The following PAFAH1B1 variants were observed in gnomAD, a reference collection of about 807,000 sequenced individuals.
PAFAH1B1 encodes the protein platelet-activating factor acetylhydrolase IB subunit beta.
PAFAH1B1 carries 2 observed loss-of-function variants against 57.5 expected under a neutral mutation model. The observed-to-expected ratio is 0.03, with a 90% CI of 0.01 to 0.11. The LOEUF (loss-of-function observed/expected upper bound fraction) is 0.11. Ranked by LOEUF, PAFAH1B1 falls within the 10% of genes least tolerant of loss-of-function variation. PAFAH1B1 has a pLI of 1.00. For synonymous variants in PAFAH1B1, 152 were observed against 169.6 expected, an observed-to-expected ratio of 0.90 and a Z score of 0.81; for missense variants, 257 against 512.0, an observed-to-expected ratio of 0.50 and a Z score of 4.81.
chr17:2,677,529 T>C (rs1026421062), intron 9 of PAFAH1B1, among the ~76,000 whole-genome samples: 1 of 133,390 alleles, frequency 7.5e-6, no homozygotes, highest in African/African-American at 2.9e-5. Flanking sequence ...ATGACAGACA[T>C]ATGTGGAAGC....
intron 2 of PAFAH1B1, chr17:2,640,112 A>C (rs1283453288): frequency 6.6e-6 from 1 of 152,228 alleles, no homozygotes; most frequent in Non-Finnish European, 1.5e-5. Context: ...ATGTTAGAGT[A>C]AGTTGCATAT....
At chr17:2,670,892 C>A (rs16952294) in intron 6 of PAFAH1B1, among the ~76,000 whole-genome samples, 1 of 152,112 alleles carries the variant, frequency 6.6e-6, no homozygotes, top group African/African-American at 2.4e-5. Context: ...CCTCTTTCAT[C>A]TGCAAAACAG....
At chr17:2,625,368 T>C (rs1270048557) in intron 1 of PAFAH1B1, among the ~76,000 whole-genome samples, 2 of 152,368 alleles carry the variant, frequency 1.3e-5, no homozygotes, top group African/African-American at 4.8e-5. Context: ...TCTTATTCGT[T>C]ATTTTGACTT....
intron 1 of PAFAH1B1, among the ~76,000 whole-genome samples, chr17:2,627,103 C>A (rs2068504164): frequency 6.6e-6 from 1 of 152,122 alleles, no homozygotes; most frequent in Non-Finnish European, 1.5e-5. Context: ...TTAATTAGGT[C>A]CCAGCTATTT....
At chr17:2,673,377 C>T (rs558131030) in intron 7 of PAFAH1B1, among the ~76,000 whole-genome samples, 7 of 152,268 alleles carry the variant, frequency 4.6e-5, no homozygotes, top group African/African-American at 7.2e-5. Context: ...CGGTGGCTCA[C>T]GCCTGTAATC....
chr17:2,613,590 C>T, intron 1 of PAFAH1B1: 1 of 284,740 alleles, frequency 3.5e-6, no homozygotes, highest in Non-Finnish European at 7.1e-6. Context: ...GGGTGCTCCC[C>T]CGTCAGCAGT....
At chr17:2,649,123 A>G (rs1273214063) in intron 2 of PAFAH1B1, among the ~76,000 whole-genome samples, 2 of 144,270 alleles carry the variant, frequency 1.4e-5, no homozygotes, top group African/African-American at 5.1e-5. Flanking sequence ...AGGCTGAGAC[A>G]GGAGGATTGC....
chr17:2,617,091 TTAA>T (rs1222921987), intron 1 of PAFAH1B1, among the ~76,000 whole-genome samples: 1 of 152,100 alleles, frequency 6.6e-6, no homozygotes, highest in Non-Finnish European at 1.5e-5. Context: ...ATGATTGCTC[TTAA>T]TAAGAAAAAA....
intron 2 of PAFAH1B1, chr17:2,639,927 A>G (rs1411716673): frequency 6.6e-6 from 1 of 152,182 alleles, no homozygotes; most frequent in Non-Finnish European, 1.5e-5. Flanking sequence ...GTGGCTTTTC[A>G]ACAATTTTTA....
chr17:2,679,338 ATGGATGGATGAT>A (rs2069326753), intron 9 of PAFAH1B1, among the ~76,000 whole-genome samples: 1 of 151,888 alleles, frequency 6.6e-6, no homozygotes, highest in Admixed American at 6.6e-5. Flanking sequence ...GGATGGATAG[ATGGATGGATGAT>A]TAAATGGATG....
At chr17:2,620,626 G>A (rs142696136) in intron 1 of PAFAH1B1, among the ~76,000 whole-genome samples, 10 of 152,144 alleles carry the variant, frequency 6.6e-5, no homozygotes, top group Non-Finnish European at 1.0e-4. Flanking sequence ...CACTTTGGGA[G>A]GCCGAGGTCG....
chr17:2,645,756 C>T (rs1320304064), intron 2 of PAFAH1B1, among the ~76,000 whole-genome samples: 1 of 151,578 alleles, frequency 6.6e-6, no homozygotes. Flanking sequence ...AGGCGCATGC[C>T]ACCACGCCTG....
intron 2 of PAFAH1B1, among the ~76,000 whole-genome samples, chr17:2,650,070 GA>G (rs2068827921): frequency 6.6e-6 from 1 of 152,208 alleles, no homozygotes; most frequent in South Asian, 2.1e-4. Flanking sequence ...TATCAAAATA[GA>G]AAACTTCTGT....
At chr17:2,629,894 A>G (rs1228408655) in intron 1 of PAFAH1B1, among the ~76,000 whole-genome samples, 2 of 152,152 alleles carry the variant, frequency 1.3e-5, no homozygotes, top group African/African-American at 2.4e-5. Flanking sequence ...CTGATATGAG[A>G]ATAGCTGCCC....
At chr17:2,672,450 C>G (rs992938833) in intron 6 of PAFAH1B1, among the ~76,000 whole-genome samples, 1 of 151,972 alleles carries the variant, frequency 6.6e-6, no homozygotes, top group Non-Finnish European at 1.5e-5. Context: ...ATGGAGTTGA[C>G]TATTTCCTTG....
At chr17:2,637,594 C>T (rs957005345) in intron 1 of PAFAH1B1, among the ~76,000 whole-genome samples, 4 of 151,998 alleles carry the variant, frequency 2.6e-5, no homozygotes, top group Admixed American at 6.6e-5. Flanking sequence ...CAATAAAAAG[C>T]GTAAGATTGC....
intron 1 of PAFAH1B1, among the ~76,000 whole-genome samples, chr17:2,633,231 A>G (rs1209364524): frequency 6.7e-6 from 1 of 149,196 alleles, no homozygotes; most frequent in Non-Finnish European, 1.5e-5. Flanking sequence ...GCAGTGATGC[A>G]ATCTCAGCTC....
chr17:2,628,505 T>G (rs139277758), intron 1 of PAFAH1B1, among the ~76,000 whole-genome samples: 1 of 152,142 alleles, frequency 6.6e-6, no homozygotes, highest in East Asian at 1.9e-4. Context: ...TTTTAGCATC[T>G]ATGTTCATTA....
chr17:2,596,532 C>T (rs1350866182), intron 1 of PAFAH1B1, among the ~76,000 whole-genome samples: 1 of 152,166 alleles, frequency 6.6e-6, no homozygotes, highest in African/African-American at 2.4e-5. Flanking sequence ...CTGTATCAAG[C>T]ATTCACATGA....
Sources: gnomAD v4.1 joint callset for allele counts (sites outside exome capture counted in the v4.1 genomes callset) on GRCh38, gnomAD v4.1.1 for gene constraint, MANE v1.5 for transcripts, NCBI Gene and HGNC (gene_info 2026-07-23, HGNC 2026-07-21) for gene names.